Variants in OTOF observed in about 807,000 individuals in gnomAD.
The protein encoded by OTOF is otoferlin.
OTOF carries 218 observed loss-of-function variants against 236.8 expected under a neutral mutation model. The observed-to-expected ratio is 0.92, with a 90% CI of 0.82 to 1.03. OTOF has a LOEUF of 1.03. Ranked by LOEUF, OTOF falls within the 50% of genes least tolerant of loss-of-function variation. The pLI, the probability that OTOF is intolerant of heterozygous loss-of-function variation, is 0.00. For missense variants in OTOF, 2,590 were observed against 2,694.4 expected, an observed-to-expected ratio of 0.96 and a Z score of 0.86; for synonymous variants, 1,041 against 1,072.5, an observed-to-expected ratio of 0.97 and a Z score of 0.57.
chr2:26,469,277 G>A (rs1227131582), intron 32 of OTOF, among the ~76,000 whole-genome samples: 3 of 152,112 alleles, frequency 2.0e-5, no homozygotes, highest in Non-Finnish European at 4.4e-5. Flanking sequence ...CAACTAAGTC[G>A]CCACCGCCAC....
intron 5 of OTOF, among the ~76,000 whole-genome samples, chr2:26,507,934 G>T (rs1042719506): frequency 6.6e-6 from 1 of 152,216 alleles, no homozygotes; most frequent in African/African-American, 2.4e-5. Flanking sequence ...ATTTAGAAGC[G>T]TGTTGCTGTG....
rs560966757 is a variant in OTOF, at chr2:26,477,922, T to C, written c.2215-173A>G. The C allele has an allele frequency of 1.2e-5, 18 of 1,510,428 alleles. No individual in the cohort carries two copies. The highest frequency in any genetic ancestry group is 8.7e-5 in the Admixed American group (4 of 45,896). The allele number at this position is 1,510,428 out of a possible 1,614,324, so 93.6% of individuals were successfully genotyped here. A position where few individuals can be genotyped will look rare whatever the true frequency, so the allele number is the denominator to read the frequency against. On this transcript the variant is annotated intron_variant, in intron 18 of 46. Transcript: ENST00000272371. The surrounding 1 kb of genome is among the most constrained non-coding windows in gnomAD (Gnocchi z 4.7). ...GAAGTCATCAATTTCCCAGGTTCTG[T>C]TCTCAGAACCTGGAGATGTTGGTGT...
Position 26,489,594 on chromosome 2 carries a change from A to G in OTOF, c.960+84T>C, listed in dbSNP as rs1665787378. ...GGCGCTGCCTCTTTATCATGGGTCT[A>G]GACAGAGGGGGCCCCTCTCAAGTCT... On this transcript the variant is annotated intron_variant, in intron 10 of 46. Transcript: ENST00000272371. The G allele has an allele frequency of 3.5e-6, 4 of 1,156,694 alleles. No homozygotes were observed. The Admixed American group carries it at 6.9e-5, about 20-fold the overall frequency. 71.7% of individuals were successfully genotyped at this position (1,156,694 alleles called of 1,614,324 possible).
rs1235073952 is a variant in OTOF at position 26,483,565 on chromosome 2, G to C, written c.1289C>G (p.Pro430Arg). 6.2e-7 allele frequency: 1 copy of C among 1,613,802 alleles called. No homozygotes were observed. Among genetic ancestry groups the C allele is most frequent in the Non-Finnish European group, 8.5e-7 (1 of 1,179,998 alleles). Residue 430 changes from proline to arginine, a missense_variant, in exon 13 of 47, where the codon CCC becomes CGC. Physicochemically the swap from Pro to Arg is moderately radical, Grantham distance 103 (BLOSUM62 -2). Transcript: ENST00000272371. ...GGCCATGAGGCTTGTGTTCATACGGGGCAGCCCCTCTGCTCGGTAAATTTT... is the reference window on the plus strand; with the variant it reads ...GGCCATGAGGCTTGTGTTCATACGGCGCAGCCCCTCTGCTCGGTAAATTTT... ...YVKIYRAEGLPRMNTSLMANV... is the reference protein window; with the variant it reads ...YVKIYRAEGLRRMNTSLMANV...
chr2:26,483,396 C>T (rs142242007), intron 13 of OTOF, 66 bp downstream of exon 13: 10 of 1,452,100 alleles, frequency 6.9e-6, no homozygotes, highest in Admixed American at 3.3e-5. Context: ...AGGCCCCACA[C>T]CCATCAGCCT....
chr2:26,514,129 A>G (rs1336265441), intron 5 of OTOF, among the ~76,000 whole-genome samples: 1 of 152,250 alleles, frequency 6.6e-6, no homozygotes, highest in African/African-American at 2.4e-5. Flanking sequence ...CTGCATGGCT[A>G]GGCCTGGCGG....
At chr2:26,471,260 G>A (rs1353736936) in intron 30 of OTOF, 110 bp from the exon 31 acceptor site, 11 of 1,304,412 alleles carry the variant, frequency 8.4e-6, no homozygotes, top group Non-Finnish European at 8.9e-6. Flanking sequence ...ATTACTGTGT[G>A]CTGGCAGCCC....
chr2:26,495,139 G>C (rs1665950549), intron 8 of OTOF, 66 bp from the exon 9 acceptor site: 7 of 1,590,830 alleles, frequency 4.4e-6, no homozygotes, highest in Non-Finnish European at 5.2e-6. Flanking sequence ...GTCCCGCAGG[G>C]GTCCAGGGGC....
At chr2:26,516,705 C>A in intron 4 of OTOF, 106 bp from the exon 5 acceptor site, 1 of 1,204,946 alleles carries the variant, frequency 8.3e-7, no homozygotes, top group Admixed American at 1.8e-5. Flanking sequence ...ACACCCTTGC[C>A]TCACTGGAGG....
At chr2:26,556,028 G>A (rs899367922) in intron 1 of OTOF, among the ~76,000 whole-genome samples, 2 of 152,172 alleles carry the variant, frequency 1.3e-5, no homozygotes, top group African/African-American at 4.8e-5. Context: ...TAGCCCAGGA[G>A]GGCTCTTTCC....
At chr2:26,469,712 A>G (rs967480198) in intron 32 of OTOF, among the ~76,000 whole-genome samples, 1 of 151,724 alleles carries the variant, frequency 6.6e-6, no homozygotes. Context: ...CCTAACCCCC[A>G]CTCTCTGAGA....
intron 4 of OTOF, 43 bp downstream of exon 4, chr2:26,518,967 G>C (rs370631438): frequency 1.6e-4 from 221 of 1,363,066 alleles, no homozygotes; most frequent in Middle Eastern, 5.3e-4. Context: ...CCCCCAGATG[G>C]CCCCATATGG....
rs764606007 is a variant in OTOF, at chr2:26,468,462, G to C, written c.4036C>G (p.Gln1346Glu). The change falls in exon 33 of 47, where the codon CAA becomes GAA. Residue 1346 changes from glutamine to glutamate, a missense_variant. Physicochemically the swap from Gln to Glu is conservative, Grantham distance 29 (BLOSUM62 2). This residue lies in a region of OTOF where 1,211 missense variants were observed against 1,352.8 expected (regional missense o/e 0.90). Coordinates refer to ENST00000272371, the MANE Select transcript of OTOF (RefSeq NM_194248.3). ...TCCAAGTCAATTCCAGAGGGCTCTT[G>C]TTGTCGAAGTTGCTGCCAAAAGATG... ...IDTMKEQLRQ[Q>E]EPSGIDLEEK... 62 of 1,613,744 alleles carry C rather than the reference G, an allele frequency of 3.8e-5. No homozygotes were observed. Among genetic ancestry groups the C allele is most frequent in the Non-Finnish European group, 5.0e-5 (59 of 1,179,894 alleles).
chr2:26,467,560 T>A, intron 33 of OTOF, 59 bp from the exon 34 acceptor site: 1 of 1,574,996 alleles, frequency 6.3e-7, no homozygotes, highest in Non-Finnish European at 8.7e-7. Context: ...AGGCCTGGAT[T>A]CGAGACCCAG....
intron 3 of OTOF, among the ~76,000 whole-genome samples, chr2:26,519,378 G>C (rs1558511783): frequency 6.6e-6 from 1 of 152,222 alleles, no homozygotes; most frequent in Non-Finnish European, 1.5e-5. Context: ...ACAGACTGCG[G>C]GGAAAGGTGC....
Position 26,553,132 on chromosome 2 carries a change from C to G in OTOF, c.79+5361G>C, listed in dbSNP as rs1667504020. Among the ~76,000 whole-genome samples the G allele has an allele frequency of 2.0e-5, 3 of 152,204 alleles. No individual in the cohort carries two copies. In the South Asian group the frequency reaches 6.2e-4, roughly 31 times the overall value. ...CCTGCAGCCAACAGTAGGGGGACAT[C>G]TTGTCCCCAGTGCCTCAGCTGCAAC... On this transcript the variant is annotated intron_variant, in intron 1 of 46. Transcript: ENST00000272371.
Position 26,460,058 on chromosome 2 carries a change from A to G in OTOF, c.5961T>C (p.Pro1987=). 6.4e-7 allele frequency: 1 copy of G among 1,573,680 alleles called. No homozygotes were observed. The highest frequency in any genetic ancestry group is 8.6e-7 in the Non-Finnish European group (1 of 1,159,580). The part of the protein sequence containing the change: ...LLLALFLYSV[P]GYLVKKILGA The stretch of plus-strand genomic sequence containing the variant: ...CGAGGATTTTCTTGACCAGGTAGCC[A>G]GGCACAGAGTAGAGGAACAGGGCGA... Residue 1987 remains proline (P), a synonymous_variant, in exon 46 of 47, where the codon CCT becomes CCC. Coordinates refer to ENST00000272371, the MANE Select transcript of OTOF (RefSeq NM_194248.3). This position sits in a 1 kb window ranked among gnomAD's most constrained non-coding sequence, Gnocchi z 5.3.
intron 4 of OTOF, among the ~76,000 whole-genome samples, chr2:26,518,418 T>C (rs981604490): frequency 6.6e-6 from 1 of 152,216 alleles, no homozygotes; most frequent in East Asian, 1.9e-4. Context: ...CTCACCATCA[T>C]GCCAACTGCC....
chr2:26,554,165 CAAAAAAAAA>C (rs34196608), intron 1 of OTOF, among the ~76,000 whole-genome samples: 1 of 79,594 alleles, frequency 1.3e-5, no homozygotes, highest in Admixed American at 1.6e-4. Flanking sequence ...GAGCGAGACT[CAAAAAAAAA>C]AAAAAAAAAA....
Sources: gnomAD v4.1 joint callset for allele counts (sites outside exome capture counted in the v4.1 genomes callset) on GRCh38, gnomAD v4.1.1 for gene constraint, gnomAD v4.1.1 regional missense constraint, Gnocchi (gnomAD v3.1) non-coding constraint, MANE v1.5 for transcripts, NCBI Gene and HGNC (gene_info 2026-07-23, HGNC 2026-07-21) for gene names.